Variants in LHFPL2 observed in about 807,000 individuals in gnomAD.
The protein encoded by LHFPL2 is LHFPL tetraspan subfamily member 2.
In LHFPL2, 7 loss-of-function variants were observed where a neutral mutation model predicts 17.5. The ratio of observed to expected loss-of-function variants is 0.40; its 90% CI spans 0.23 to 0.75. The LOEUF (loss-of-function observed/expected upper bound fraction) is 0.75, where lower values mean the gene tolerates loss of function less well. LHFPL2 is among the 30% of genes least tolerant of loss of function. LHFPL2 has a pLI of 0.37. For synonymous variants in LHFPL2, 134 were observed against 116.2 expected (o/e 1.15, Z -0.99); for missense variants, 241 against 294.8 (o/e 0.82, Z 1.34).
At chr5:78,528,725 C>T (rs1358004360) in intron 3 of LHFPL2, among the ~76,000 whole-genome samples, 1 of 152,190 alleles carries the variant, frequency 6.6e-6, no homozygotes, top group Non-Finnish European at 1.5e-5. Context: ...CCTTAACTCC[C>T]TCACAGCTGT....
At chr5:78,586,132 G>A (rs1227684913) in intron 2 of LHFPL2, among the ~76,000 whole-genome samples, 2 of 152,204 alleles carry the variant, frequency 1.3e-5, no homozygotes, top group East Asian at 1.9e-4. Flanking sequence ...AAGAGACACT[G>A]CTTAGCAGAG....
intron 2 of LHFPL2, among the ~76,000 whole-genome samples, chr5:78,580,397 GT>G (rs1743075132): frequency 6.6e-6 from 1 of 152,044 alleles, no homozygotes; most frequent in South Asian, 2.1e-4. Flanking sequence ...TGCTTTTGGT[GT>G]TTTAGACATG....
At chr5:78,542,521 G>C (rs1168570301) in intron 3 of LHFPL2, among the ~76,000 whole-genome samples, 1 of 152,158 alleles carries the variant, frequency 6.6e-6, no homozygotes, top group Non-Finnish European at 1.5e-5. Flanking sequence ...CCTGATCTGG[G>C]CAGTTCCAGC....
chr5:78,588,474 T>G (rs546635626), intron 2 of LHFPL2, among the ~76,000 whole-genome samples: 2 of 152,346 alleles, frequency 1.3e-5, no homozygotes, highest in South Asian at 4.1e-4. Flanking sequence ...TTTAGTAACC[T>G]TGGGCAAATA....
intron 2 of LHFPL2, among the ~76,000 whole-genome samples, chr5:78,579,324 T>G (rs1742984830): frequency 6.6e-6 from 1 of 152,010 alleles, no homozygotes; most frequent in African/African-American, 2.4e-5. Flanking sequence ...TTTTTTTTGT[T>G]GTTGTTGTTG....
intron 1 of LHFPL2, among the ~76,000 whole-genome samples, chr5:78,634,946 G>A (rs1467010439): frequency 6.6e-6 from 1 of 152,202 alleles, no homozygotes; most frequent in Non-Finnish European, 1.5e-5. Context: ...ATGAATCTTA[G>A]AATGTGGGGC....
chr5:78,560,184 G>T (rs1330603403), intron 3 of LHFPL2, among the ~76,000 whole-genome samples: 2 of 152,190 alleles, frequency 1.3e-5, no homozygotes, highest in Admixed American at 1.3e-4. Context: ...ACCCAGACAA[G>T]TATGATTCTG....
intron 1 of LHFPL2, among the ~76,000 whole-genome samples, chr5:78,635,781 T>C (rs919861561): frequency 6.6e-6 from 1 of 151,844 alleles, no homozygotes; most frequent in Non-Finnish European, 1.5e-5. Flanking sequence ...CCAGCCTGGG[T>C]GACAGAGCGA....
intron 3 of LHFPL2, among the ~76,000 whole-genome samples, chr5:78,526,762 T>C (rs1755631884): frequency 6.6e-6 from 1 of 152,224 alleles, no homozygotes; most frequent in Non-Finnish European, 1.5e-5. Context: ...GTCAATTGAA[T>C]GCACTTCAAA....
chr5:78,627,128 T>C (rs1311273160), intron 2 of LHFPL2, among the ~76,000 whole-genome samples: 1 of 151,978 alleles, frequency 6.6e-6, no homozygotes, highest in African/African-American at 2.4e-5. Context: ...CAGAAATGTA[T>C]GCAGTAGAGA....
chr5:78,532,970 C>A (rs995960118), intron 3 of LHFPL2, among the ~76,000 whole-genome samples: 2 of 152,220 alleles, frequency 1.3e-5, no homozygotes, highest in Non-Finnish European at 2.9e-5. Context: ...GTGCCAACAA[C>A]CCTGTCGTGC....
intron 2 of LHFPL2, among the ~76,000 whole-genome samples, chr5:78,575,535 G>A (rs953288983): frequency 1.7e-4 from 26 of 152,158 alleles, no homozygotes; most frequent in Middle Eastern, 3.4e-3. Context: ...GTGACAGAGC[G>A]AGACTCCATC....
chr5:78,646,829 C>T (rs922621474), intron 1 of LHFPL2, among the ~76,000 whole-genome samples: 1 of 152,084 alleles, frequency 6.6e-6, no homozygotes, highest in South Asian at 2.1e-4. Flanking sequence ...ATCCTTCTTC[C>T]TTCCTATAGA....
chr5:78,574,731 T>C (rs1757086026), intron 2 of LHFPL2, among the ~76,000 whole-genome samples: 1 of 152,266 alleles, frequency 6.6e-6, no homozygotes, highest in Non-Finnish European at 1.5e-5. Flanking sequence ...AGGTTGCAGA[T>C]GGCTCGCTGA....
At chr5:78,573,549 A>T (rs549167645) in intron 2 of LHFPL2, among the ~76,000 whole-genome samples, 1 of 152,342 alleles carries the variant, frequency 6.6e-6, no homozygotes, top group South Asian at 2.1e-4. Flanking sequence ...GGCATGTTGG[A>T]GGTATCTCTG....
At chr5:78,525,066 G>T (rs1464305853) in intron 3 of LHFPL2, among the ~76,000 whole-genome samples, 1 of 152,154 alleles carries the variant, frequency 6.6e-6, no homozygotes, top group Non-Finnish European at 1.5e-5. Context: ...TTGAAGGATG[G>T]TTAGCAGCAT....
chr5:78,622,918 C>A (rs1402829574), intron 2 of LHFPL2, among the ~76,000 whole-genome samples: 1 of 151,994 alleles, frequency 6.6e-6, no homozygotes, highest in East Asian at 1.9e-4. Flanking sequence ...CGGGGTCAGG[C>A]CTTGTAAAGA....
At chr5:78,507,057 T>C (rs185395994) in intron 4 of LHFPL2, among the ~76,000 whole-genome samples, 35 of 151,980 alleles carry the variant, frequency 2.3e-4, no homozygotes, top group Non-Finnish European at 4.1e-4. Flanking sequence ...GAGGCCAGGA[T>C]CAGTGGCTCA....
At chr5:78,572,467 CATGTGTATATAT>C (rs1196795690) in intron 2 of LHFPL2, among the ~76,000 whole-genome samples, 4 of 139,836 alleles carry the variant, frequency 2.9e-5, no homozygotes, top group Admixed American at 1.4e-4. Context: ...TGTGTATATA[CATGTGTATATAT>C]ATGTGTATAT....
Sources: gnomAD v4.1 joint callset for allele counts (sites outside exome capture counted in the v4.1 genomes callset) on GRCh38, gnomAD v4.1.1 for gene constraint, MANE v1.5 for transcripts, NCBI Gene and HGNC (gene_info 2026-07-23, HGNC 2026-07-21) for gene names.